Variants in PCDHA8 observed in about 807,000 individuals in gnomAD.
PCDHA8 encodes protocadherin alpha 8.
A neutral mutation model predicts 61.8 loss-of-function variants in PCDHA8; 53 were observed. The ratio of observed to expected loss-of-function variants is 0.86; its 90% CI spans 0.69 to 1.08. PCDHA8 has a LOEUF of 1.08. PCDHA8 is among the 50% of genes least tolerant of loss of function. The pLI, the probability that PCDHA8 is intolerant of heterozygous loss-of-function variation, is 0.00. For missense variants in PCDHA8, 1,293 were observed against 1,245.0 expected (o/e 1.04, Z -0.58); for synonymous variants, 618 against 556.6 (o/e 1.11, Z -1.55).
In PCDHA8 at chr5:140,842,940, C is replaced by G. The variant is rs2150348293; in HGVS notation, c.1619C>G (p.Ala540Gly). The change falls in exon 1 of 4, where the codon GCG becomes GGG. Residue 540 changes from alanine to glycine, a missense_variant. Transcript: ENST00000531613. ...CAGTTCCAGGTGAGCGCGCGCGACG[C>G]GGGCGTGCCGCCTCTGGGCAGCAAC... ...LLQFQVSARD[A>G]GVPPLGSNVT... The G allele has an allele frequency of 3.8e-6, 6 of 1,594,510 alleles. 1 individual carries two copies. Among genetic ancestry groups the G allele is most frequent in the Admixed American group, 3.4e-5 (2 of 59,306 alleles).
chr5:140,968,935 C>T, intron 1 of PCDHA8: 1 of 1,614,172 alleles, frequency 6.2e-7, no homozygotes, highest in Non-Finnish European at 8.5e-7. Context: ...TTTTGACAAT[C>T]ATCATTTTGA....
chr5:140,886,956 A>T (rs1007882657), intron 1 of PCDHA8, among the ~76,000 whole-genome samples: 1 of 152,090 alleles, frequency 6.6e-6, no homozygotes, highest in Non-Finnish European at 1.5e-5. Context: ...TTAGACATTT[A>T]GCAACGAAAT....
rs782610584 is a variant in PCDHA8 at position 140,883,582 on chromosome 5, G to C, written c.2394+39867G>C. 38 of 1,613,902 alleles carry C rather than the reference G, an allele frequency of 2.4e-5. No homozygotes were observed. The African/African-American group carries it at 3.7e-4, about 16-fold the overall frequency. ...GGGGCTCGCCTTCGCTGTGGGCCAC[G>C]GCCAGCGTGTCGGTGGGGGTGGCCG... is the stretch of plus-strand genomic sequence containing the variant. On this transcript the variant is annotated intron_variant, in intron 1 of 3. Transcript: ENST00000531613.
chr5:140,854,013 T>A, intron 1 of PCDHA8: 16 of 343,618 alleles, frequency 4.7e-5, no homozygotes, highest in Non-Finnish European at 6.8e-5. Context: ...AAAAAAAAAA[T>A]TAGCCGGGCA....
chr5:140,974,043 TATG>T (rs1554235772), intron 1 of PCDHA8, among the ~76,000 whole-genome samples: 1 of 152,238 alleles, frequency 6.6e-6, no homozygotes, highest in Non-Finnish European at 1.5e-5. Flanking sequence ...AGCTTATTAA[TATG>T]ATAATATTTG....
At chr5:140,872,584 G>A (rs183302964) in intron 1 of PCDHA8, among the ~76,000 whole-genome samples, 8 of 152,212 alleles carry the variant, frequency 5.3e-5, no homozygotes, top group Admixed American at 5.2e-4. Flanking sequence ...CTATCATCGT[G>A]AGACCCCCAT....
At chr5:140,869,765 A>G in intron 1 of PCDHA8, 1 of 1,613,282 alleles carries the variant, frequency 6.2e-7, no homozygotes, top group Non-Finnish European at 8.5e-7. Context: ...GGAAAACCAG[A>G]GCTTACTGGC....
At chr5:141,005,315 G>A (rs1554259986) in intron 3 of PCDHA8, among the ~76,000 whole-genome samples, 1 of 152,186 alleles carries the variant, frequency 6.6e-6, no homozygotes, top group Non-Finnish European at 1.5e-5. Flanking sequence ...TCTTACAGTG[G>A]TAGAGAATAA....
At chr5:140,882,854 C>G in intron 1 of PCDHA8, 2 of 1,614,196 alleles carry the variant, frequency 1.2e-6, no homozygotes, top group Non-Finnish European at 1.7e-6. Flanking sequence ...ATCACTTGTA[C>G]TGAGGAAAAC....
Position 141,010,254 on chromosome 5 carries a change from C to T in PCDHA8, c.*317C>T. Reference sequence around the variant, plus strand: ...GCCAGTGAGAGGTTGGACTCTCTGCCCTGTGCTCCGGGGATCCTGTCTTGA... The same window carrying T: ...GCCAGTGAGAGGTTGGACTCTCTGCTCTGTGCTCCGGGGATCCTGTCTTGA... On this transcript the variant is annotated 3_prime_UTR_variant, in exon 4 of 4. Transcript: ENST00000531613. The T allele has an allele frequency of 6.4e-7, 1 of 1,551,810 alleles. No individual in the cohort carries two copies. Among genetic ancestry groups the T allele is most frequent in the Non-Finnish European group, 8.7e-7 (1 of 1,147,018 alleles).
At chr5:140,967,371 A>C in intron 1 of PCDHA8, 1 of 1,607,094 alleles carries the variant, frequency 6.2e-7, no homozygotes, top group Non-Finnish European at 8.5e-7. Context: ...CCCCTGCAGG[A>C]GAACAGTAAA....
chr5:140,858,272 G>C, intron 1 of PCDHA8: 1 of 1,597,346 alleles, frequency 6.3e-7, no homozygotes, highest in Non-Finnish European at 8.6e-7. Flanking sequence ...GTGCTCTAGC[G>C]CGGTGGGGAG....
intron 3 of PCDHA8, among the ~76,000 whole-genome samples, chr5:140,995,291 G>A (rs958346050): frequency 1.4e-4 from 22 of 152,086 alleles, no homozygotes; most frequent in African/African-American, 4.6e-4. Flanking sequence ...ACAGCCAGTC[G>A]GATACCAAGA....
intron 3 of PCDHA8, among the ~76,000 whole-genome samples, chr5:140,989,861 C>G (rs1449611550): frequency 6.6e-6 from 1 of 152,042 alleles, no homozygotes; most frequent in Non-Finnish European, 1.5e-5. Context: ...GGAGAGGAAT[C>G]TTTCTCTGCC....
At chr5:140,904,125 C>G (rs2070849198) in intron 1 of PCDHA8, among the ~76,000 whole-genome samples, 1 of 151,972 alleles carries the variant, frequency 6.6e-6, no homozygotes, top group East Asian at 1.9e-4. Flanking sequence ...TTTTGGTGCA[C>G]CCATCACCCG....
intron 1 of PCDHA8, among the ~76,000 whole-genome samples, chr5:140,942,981 G>A (rs1242135518): frequency 6.6e-6 from 1 of 152,048 alleles, no homozygotes; most frequent in Non-Finnish European, 1.5e-5. Context: ...TTGGGGCTGG[G>A]TGTGGTGGCT....
At chr5:140,875,921 C>T (rs782082764) in intron 1 of PCDHA8, 57 of 1,614,110 alleles carry the variant, frequency 3.5e-5, no homozygotes, top group Non-Finnish European at 4.8e-5. Context: ...CCTCTGGACT[C>T]TCATTTTCCT....
intron 1 of PCDHA8, chr5:140,849,676 C>G (rs2150444871): frequency 1.3e-6 from 2 of 1,598,588 alleles, no homozygotes; most frequent in African/African-American, 2.7e-5. Context: ...CCCCACGTCC[C>G]CTTCAAGCTG....
rs149179821 is a variant in PCDHA8 at position 141,012,224 on chromosome 5, C to T, written c.*2287C>T. 2 of 153,832 alleles carry T rather than the reference C, an allele frequency of 1.3e-5. No homozygotes were observed. Among genetic ancestry groups the T allele is most frequent in the East Asian group, 3.9e-4 (2 of 5,184 alleles). 9.5% of individuals were successfully genotyped at this position (153,832 alleles called of 1,614,324 possible). On this transcript the variant is annotated 3_prime_UTR_variant, in exon 4 of 4. Coordinates refer to ENST00000531613, the MANE Select transcript of PCDHA8 (RefSeq NM_018911.3). ...CTTTTTACATTTGCGAAGTGCTTTC[C>T]AATCCATGTTAGTTACTAGTTATTA...
Sources: allele counts gnomAD v4.1 joint callset (sites outside exome capture counted in the v4.1 genomes callset), GRCh38; gene constraint gnomAD v4.1.1; transcripts MANE v1.5; gene names NCBI Gene and HGNC (gene_info 2026-07-23, HGNC 2026-07-21).